The following TBCD variants were observed in gnomAD, a reference collection of about 807,000 sequenced individuals.
TBCD encodes tubulin folding cofactor D.
In TBCD, 105 loss-of-function variants were observed where a neutral mutation model predicts 169.3. The observed-to-expected ratio is 0.62, with a 90% CI of 0.53 to 0.73. TBCD has a LOEUF of 0.73. Among genes scored for constraint, TBCD ranks in the 30% least tolerant of loss-of-function variants. The pLI is 0.00. For synonymous variants in TBCD, 700 were observed against 643.9 expected, an observed-to-expected ratio of 1.09 and a Z score of -1.32; for missense variants, 1,444 against 1,600.1, an observed-to-expected ratio of 0.90 and a Z score of 1.66.
chr17:82,919,148 C>T (rs1199490982), intron 23 of TBCD, among the ~76,000 whole-genome samples: 1 of 152,114 alleles, frequency 6.6e-6, no homozygotes, highest in Non-Finnish European at 1.5e-5. Flanking sequence ...CCCAGAGTCT[C>T]GCCCGGCGCT....
At chr17:82,802,781 T>A (rs2050670642) in intron 9 of TBCD, among the ~76,000 whole-genome samples, 1 of 135,240 alleles carries the variant, frequency 7.4e-6, no homozygotes, top group Non-Finnish European at 1.6e-5. Flanking sequence ...CACATGCTGG[T>A]CCAGAGCCCC....
chr17:82,920,034 A>G lies in TBCD; in HGVS notation c.2039-522A>G, dbSNP rs1309491098. Among the ~76,000 whole-genome samples, 1 of 152,214 alleles carries G rather than the reference A, an allele frequency of 6.6e-6. No homozygotes were observed. Among genetic ancestry groups the G allele is most frequent in the Non-Finnish European group, 1.5e-5 (1 of 68,038 alleles). ...GCCGTGGGAGCTGCTGATGCTGTCCAGTCGTCTCTGTCTCGTGCGTCCTGG... is the reference window on the plus strand; with the variant it reads ...GCCGTGGGAGCTGCTGATGCTGTCCGGTCGTCTCTGTCTCGTGCGTCCTGG... On this transcript the variant is annotated intron_variant, in intron 23 of 38. Transcript: ENST00000355528. The surrounding 1 kb of genome is among the most constrained non-coding windows in gnomAD (Gnocchi z 4.1).
At chr17:82,764,278 G>A (rs2047914334) in intron 3 of TBCD, among the ~76,000 whole-genome samples, 1 of 152,190 alleles carries the variant, frequency 6.6e-6, no homozygotes, top group South Asian at 2.1e-4. Context: ...TCTTGCATTT[G>A]AATAGATTGA....
intron 21 of TBCD, chr17:82,908,582 C>T (rs2060406835): frequency 6.2e-6 from 2 of 321,528 alleles, no homozygotes; most frequent in African/African-American, 4.5e-5. Flanking sequence ...TTGCCATTAA[C>T]TTTCATTATG....
At chr17:82,891,181 A>G (rs1405184748) in intron 16 of TBCD, among the ~76,000 whole-genome samples, 1 of 152,218 alleles carries the variant, frequency 6.6e-6, no homozygotes, top group African/African-American at 2.4e-5. Context: ...CCTGCAGCTG[A>G]GCTGACCAGC....
chr17:82,834,563 G>T (rs1455966557), intron 13 of TBCD, among the ~76,000 whole-genome samples: 9 of 152,108 alleles, frequency 5.9e-5, no homozygotes, highest in African/African-American at 2.2e-4. Context: ...CATGTCCTTC[G>T]CAGGGAGAAA....
At chr17:82,813,932 G>T (rs758277950) in intron 12 of TBCD, among the ~76,000 whole-genome samples, 1 of 152,160 alleles carries the variant, frequency 6.6e-6, no homozygotes, top group African/African-American at 2.4e-5. Flanking sequence ...GGCACTCTCC[G>T]ATTTTCCTAA....
Position 82,907,818 on chromosome 17 carries a change from G to A in TBCD, c.1980G>A (p.Gln660=). Residue 660 remains glutamine, a synonymous_variant, in exon 21 of 39, where the codon CAG becomes CAA. Coordinates refer to ENST00000355528, the MANE Select transcript of TBCD (RefSeq NM_005993.5). ...TGCAGGGCCTGAAGCAGATTCACCA[G>A]CAGGTTTGTGTGCAGCCTCTGGGTG... The part of the protein sequence containing the change: ...QAVQGLKQIH[Q]QLYDRQLYRG... 6.2e-7 allele frequency: 1 copy of A among 1,613,450 alleles called. No homozygotes were observed. The highest frequency in any genetic ancestry group is 8.5e-7 in the Non-Finnish European group (1 of 1,179,634).
chr17:82,897,215 T>C (rs2059548788), intron 17 of TBCD, among the ~76,000 whole-genome samples: 1 of 152,034 alleles, frequency 6.6e-6, no homozygotes, highest in South Asian at 2.1e-4. Flanking sequence ...AGTCAAAGCC[T>C]TTTTAAAAAA....
intron 28 of TBCD, chr17:82,926,961 G>A (rs1028104294): frequency 2.1e-5 from 13 of 614,102 alleles, no homozygotes; most frequent in Admixed American, 1.9e-4. Flanking sequence ...CGCAGGGGGC[G>A]TCCCCATCCA....
Position 82,893,584 on chromosome 17 carries a change from C to A in TBCD, c.1601C>A (p.Ala534Asp). Residue 534 changes from alanine to aspartate, a missense_variant, in exon 17 of 39, where the codon GCT (alanine) becomes GAT (aspartate). Ala to Asp is a moderately radical substitution (Grantham distance 126). Coordinates refer to ENST00000355528, the MANE Select transcript of TBCD (RefSeq NM_005993.5). ...CATGGTATTGATATTTTGACCACAG[C>A]TGACTATTTTGCCGTCGGTAACAGA... Reference protein sequence around the residue: ...FPHGIDILTTADYFAVGNRSN... With the variant: ...FPHGIDILTTDDYFAVGNRSN... The A allele has an allele frequency of 6.2e-7, 1 of 1,612,296 alleles. No homozygotes were observed. Among genetic ancestry groups the A allele is most frequent in the Non-Finnish European group, 8.5e-7 (1 of 1,179,140 alleles).
rs1236491222 is a variant in TBCD at position 82,889,798 on chromosome 17, T to C, written c.1563+101T>C. On this transcript the variant is annotated intron_variant, in intron 16 of 38. Coordinates refer to ENST00000355528, the MANE Select transcript of TBCD (RefSeq NM_005993.5). This position sits in a 1 kb window ranked among gnomAD's most constrained non-coding sequence, Gnocchi z 5.3. ...CCTGGTGTCTTCTCGCACTGTGAGATGTGGTGTGGCTACATCAATGCCAGG... is the reference window on the plus strand; with the variant it reads ...CCTGGTGTCTTCTCGCACTGTGAGACGTGGTGTGGCTACATCAATGCCAGG... The C allele has an allele frequency of 7.3e-7, 1 of 1,378,346 alleles. No individual in the cohort carries two copies. The highest frequency in any genetic ancestry group is 1.0e-6 in the Non-Finnish European group (1 of 987,424). 85.4% of individuals were successfully genotyped at this position (1,378,346 alleles called of 1,614,324 possible).
chr17:82,881,359 G>A lies in TBCD; in HGVS notation c.1476-2786G>A, dbSNP rs192499032. ...AAACCAAGTAAACGGTAGCTCATTC[G>A]GTCAGGCCGCTTGCCGCCGATGAGG... On this transcript the variant is annotated intron_variant, in intron 14 of 38. Coordinates refer to ENST00000355528, the MANE Select transcript of TBCD (RefSeq NM_005993.5). Among the ~76,000 whole-genome samples the A allele has an allele frequency of 2.2e-3, 338 of 152,350 alleles. 1 individual carries two copies. The highest frequency in any genetic ancestry group is 7.3e-3 in the African/African-American group (303 of 41,584).
rs1201968697 is a variant in TBCD at position 82,921,608 on chromosome 17, G to A, written c.2178+31G>A. On this transcript the variant is annotated intron_variant, in intron 25 of 38. Transcript: ENST00000355528. Reference sequence around the variant, plus strand: ...GTGAGCATGGGCGTTCCCGGCCGGCGCTGTGGCGGTGTTAGTGTGTTAGTC... The same window carrying A: ...GTGAGCATGGGCGTTCCCGGCCGGCACTGTGGCGGTGTTAGTGTGTTAGTC... 5.6e-6 allele frequency: 9 copies of A among 1,605,946 alleles called. No individual in the cohort carries two copies. In the East Asian group the frequency reaches 8.9e-5, roughly 16 times the overall value.
chr17:82,911,798 G>A lies in TBCD; in HGVS notation c.2038+9G>A, dbSNP rs923911205. On this transcript the variant is annotated intron_variant, in intron 23 of 38. Transcript: ENST00000355528. ...GCTCATGAGACAAGCAGGTAAGTCT[G>A]AAGGCCTTTGCAGCCCTCTGCAGCC... is the stretch of plus-strand genomic sequence containing the variant. 1.9e-6 allele frequency: 3 copies of A among 1,613,798 alleles called. No individual in the cohort carries two copies. The highest frequency in any genetic ancestry group is 2.5e-6 in the Non-Finnish European group (3 of 1,179,800).
chr17:82,761,998 G>C (rs550604129), intron 2 of TBCD, among the ~76,000 whole-genome samples: 2 of 151,428 alleles, frequency 1.3e-5, no homozygotes, highest in Admixed American at 6.6e-5. Context: ...AAGTGCTGGG[G>C]TTGTTTCTTC....
At chr17:82,801,656 GT>G (rs2144688803) in intron 9 of TBCD, among the ~76,000 whole-genome samples, 1 of 96,028 alleles carries the variant, frequency 1.0e-5, no homozygotes. Flanking sequence ...CGGCGTGTGC[GT>G]TGTGTGGGTC....
chr17:82,935,868 C>T (rs1045344150), intron 34 of TBCD, among the ~76,000 whole-genome samples: 3 of 152,252 alleles, frequency 2.0e-5, no homozygotes, highest in South Asian at 2.1e-4. Context: ...CACATTCCCT[C>T]TCCCTAGAGC....
chr17:82,866,512 C>T (rs887500363), intron 13 of TBCD, among the ~76,000 whole-genome samples: 1 of 152,266 alleles, frequency 6.6e-6, no homozygotes, highest in Admixed American at 6.5e-5. Flanking sequence ...TGGCAGCTGC[C>T]GCTTCACCTG....
Sources: gnomAD v4.1 joint callset for allele counts (sites outside exome capture counted in the v4.1 genomes callset) on GRCh38, gnomAD v4.1.1 for gene constraint, Gnocchi (gnomAD v3.1) non-coding constraint, MANE v1.5 for transcripts, NCBI Gene and HGNC (gene_info 2026-07-23, HGNC 2026-07-21) for gene names.